CECR2: variants seen among roughly 807,000 people sequenced by gnomAD.
CECR2 encodes the protein CECR2 histone acetyl-lysine reader, also known as chromatin remodeling regulator CECR2.
A neutral mutation model predicts 154.5 loss-of-function variants in CECR2; 30 were observed. The observed-to-expected ratio is 0.19, with a 90% CI of 0.15 to 0.26. CECR2 has a LOEUF of 0.26. CECR2 is among the 10% of genes least tolerant of loss of function. The pLI is 1.00. For missense variants in CECR2, 1,743 were observed against 1,829.3 expected (o/e 0.95, Z 0.86); for synonymous variants, 725 against 683.7 (o/e 1.06, Z -0.94).
chr22:17,530,401 C>T lies in CECR2; in HGVS notation c.1108+6130C>T, dbSNP rs143036846. Among the ~76,000 whole-genome samples, 244 of 151,972 alleles carry T rather than the reference C, an allele frequency of 1.6e-3. 1 individual carries two copies. Among genetic ancestry groups the T allele is most frequent in the Non-Finnish European group, 3.1e-3 (211 of 67,962 alleles). ...AAGAAAAAAAAAATAAGGCCAGGCG[C>T]GGTGGCTCACGCCTGTAATCCCAGC... On this transcript the variant is annotated intron_variant, in intron 9 of 18. Transcript: ENST00000262608.
chr22:17,453,177 T>TA (rs2054798364), intron 1 of CECR2, among the ~76,000 whole-genome samples: 1 of 152,160 alleles, frequency 6.6e-6, no homozygotes, highest in African/African-American at 2.4e-5. Context: ...CACAGTGACT[T>TA]ACGCCCGTAG....
intron 2 of CECR2, among the ~76,000 whole-genome samples, chr22:17,478,252 G>T (rs1344762218): frequency 1.3e-5 from 2 of 152,146 alleles, no homozygotes; most frequent in Non-Finnish European, 2.9e-5. Context: ...TCACAAAAAG[G>T]TGAGATGCAA....
intron 1 of CECR2, among the ~76,000 whole-genome samples, chr22:17,374,955 T>G (rs538106768): frequency 3.6e-4 from 55 of 152,154 alleles, no homozygotes; most frequent in African/African-American, 1.3e-3. Flanking sequence ...CTTATTATCT[T>G]TAAAATGACG....
upstream of CECR2, among the ~76,000 whole-genome samples, chr22:17,365,139 GCT>G (rs1441106763): frequency 6.6e-6 from 1 of 151,826 alleles, no homozygotes; most frequent in African/African-American, 2.4e-5. Flanking sequence ...CAGGAGAATT[GCT>G]TGAACCCAGG....
At chr22:17,378,824 A>C (rs2063152039) in intron 1 of CECR2, among the ~76,000 whole-genome samples, 1 of 152,086 alleles carries the variant, frequency 6.6e-6, no homozygotes, top group African/African-American at 2.4e-5. Context: ...TGTGATGGGC[A>C]TTTTTTCCCC....
intron 1 of CECR2, among the ~76,000 whole-genome samples, chr22:17,392,771 G>A (rs2146509788): frequency 6.6e-6 from 1 of 152,296 alleles, no homozygotes; most frequent in East Asian, 1.9e-4. Context: ...GCCGGGCACG[G>A]TGGCTCACAC....
chr22:17,541,667 G>A (rs893873404), intron 14 of CECR2, among the ~76,000 whole-genome samples, 172 bp from the exon 15 acceptor site: 4 of 152,188 alleles, frequency 2.6e-5, no homozygotes, highest in African/African-American at 9.7e-5. Flanking sequence ...CAGGCTCATA[G>A]GCAAGCCCTG....
intron 1 of CECR2, among the ~76,000 whole-genome samples, chr22:17,374,978 A>G (rs1359819700): frequency 6.6e-6 from 1 of 152,114 alleles, no homozygotes; most frequent in Non-Finnish European, 1.5e-5. Flanking sequence ...CCAGACCCAT[A>G]TGGAATGGCC....
At chr22:17,382,111 T>C (rs5992039) in intron 1 of CECR2, among the ~76,000 whole-genome samples, 6,781 of 151,810 alleles carry the variant, frequency 0.045, 379 homozygotes, top group African/African-American at 0.13. Flanking sequence ...AGGATGGTCT[T>C]GATCTCCTGA....
chr22:17,506,327 A>G (rs2055843962), intron 7 of CECR2, among the ~76,000 whole-genome samples: 2 of 150,152 alleles, frequency 1.3e-5, no homozygotes, highest in Admixed American at 1.3e-4. Flanking sequence ...GGGTTTCCCT[A>G]TGTTGCCTGG....
upstream of CECR2, among the ~76,000 whole-genome samples, chr22:17,368,815 G>A (rs2146427964): frequency 6.6e-6 from 1 of 152,144 alleles, no homozygotes; most frequent in African/African-American, 2.4e-5. Context: ...CTTGGCTGCT[G>A]ATTGGTGCCT....
intron 4 of CECR2, among the ~76,000 whole-genome samples, chr22:17,500,239 T>C (rs1044460380): frequency 5.4e-5 from 8 of 149,506 alleles, no homozygotes; most frequent in African/African-American, 2.0e-4. Flanking sequence ...AATTTAATGA[T>C]GTAGTTTATG....
intron 2 of CECR2, among the ~76,000 whole-genome samples, chr22:17,480,436 A>ACG (rs2055288111): frequency 4.9e-5 from 7 of 143,292 alleles, no homozygotes. Flanking sequence ...ACACACACAC[A>ACG]CACACACACA....
intron 2 of CECR2, among the ~76,000 whole-genome samples, chr22:17,492,877 A>C (rs1472954303): frequency 1.3e-5 from 2 of 152,234 alleles, no homozygotes; most frequent in Non-Finnish European, 2.9e-5. Context: ...TGTTCCAGGT[A>C]ATCTAAACTT....
At chr22:17,371,123 A>G (rs1317623186) in intron 1 of CECR2, among the ~76,000 whole-genome samples, 6 of 152,020 alleles carry the variant, frequency 3.9e-5, no homozygotes, top group African/African-American at 1.5e-4. Context: ...CCTCACCTTT[A>G]TTTTTAGATT....
intron 1 of CECR2, among the ~76,000 whole-genome samples, chr22:17,422,524 G>A (rs926091198): frequency 6.6e-6 from 1 of 152,094 alleles, no homozygotes; most frequent in Admixed American, 6.5e-5. Context: ...TGTGCTTGGT[G>A]TTCTCTGAAC....
intron 1 of CECR2, among the ~76,000 whole-genome samples, chr22:17,422,013 CTT>C (rs144010666): frequency 0.15 from 23,352 of 151,576 alleles, 4,400 homozygotes; most frequent in African/African-American, 0.45. Flanking sequence ...TTTCTCATCA[CTT>C]TATTTCACTC....
intron 1 of CECR2, among the ~76,000 whole-genome samples, chr22:17,370,367 C>T (rs1336293407): frequency 6.7e-5 from 10 of 149,346 alleles, no homozygotes; most frequent in African/African-American, 2.2e-4. Flanking sequence ...CGGGAGTCGG[C>T]CGCGGCCGGC....
rs1601535300 is a variant in CECR2, at chr22:17,538,548, A to G, written c.1267A>G (p.Met423Val). ...LFELDDDFTA[M>V]YKVLDVVKAH... ...TGAGTTGGATGATGATTTCACTGCT[A>G]TGTATAAAGGTTAGTTCCCATTCTC... Residue 423 changes from methionine (M) to valine (V), a missense_variant, in exon 11 of 19, where the codon ATG (methionine) becomes GTG (valine). By Grantham distance (21) the Met-to-Val change is conservative. Transcript: ENST00000262608. 2 of 1,613,868 alleles carry G rather than the reference A, an allele frequency of 1.2e-6. No homozygotes were observed. The highest frequency in any genetic ancestry group is 1.7e-6 in the Non-Finnish European group (2 of 1,179,760).
Sources: gnomAD v4.1 joint callset for allele counts (sites outside exome capture counted in the v4.1 genomes callset) on GRCh38, gnomAD v4.1.1 for gene constraint, MANE v1.5 for transcripts, NCBI Gene and HGNC (gene_info 2026-07-23, HGNC 2026-07-21) for gene names.